ARHGAP42: variants seen among roughly 807,000 people sequenced by gnomAD.
ARHGAP42 encodes the protein rho GTPase-activating protein 42.
A neutral mutation model predicts 125.0 loss-of-function variants in ARHGAP42; 63 were observed. The observed-to-expected ratio is 0.50, with a 90% CI of 0.41 to 0.62. ARHGAP42 has a LOEUF of 0.62. Ranked by LOEUF, ARHGAP42 falls within the 20% of genes least tolerant of loss-of-function variation. The probability of loss-of-function intolerance (pLI) is 0.00; values close to 1 mark genes in which losing one functional copy is unlikely to be tolerated. For synonymous variants in ARHGAP42, 339 were observed against 351.0 expected (o/e 0.97, Z 0.38); for missense variants, 766 against 1,024.2 (o/e 0.75, Z 3.44).
Position 100,826,879 on chromosome 11 carries a change from A to C in ARHGAP42, c.312+31713A>C, listed in dbSNP as rs532039307. ...AGATCAAGCTAGAGATTTTCAAAGG[A>C]TATTTGCAAAAGTTAATTACACAAT... is the stretch of plus-strand genomic sequence containing the variant. On this transcript the variant is annotated intron_variant, in intron 3 of 23. Transcript: ENST00000298815. Among the ~76,000 whole-genome samples the C allele has an allele frequency of 1.8e-4, 28 of 152,228 alleles. No individual in the cohort carries two copies. In the South Asian group the frequency reaches 5.2e-3, roughly 28 times the overall value.
chr11:100,818,591 C>T (rs1591207246), intron 3 of ARHGAP42, among the ~76,000 whole-genome samples: 1 of 151,938 alleles, frequency 6.6e-6, no homozygotes, highest in African/African-American at 2.4e-5. Context: ...AAGGACTGTT[C>T]AGCTGAGCTG....
intron 3 of ARHGAP42, among the ~76,000 whole-genome samples, chr11:100,857,137 GT>G (rs1865340087): frequency 6.6e-6 from 1 of 151,826 alleles, no homozygotes; most frequent in Non-Finnish European, 1.5e-5. Context: ...AGTGTTGGAT[GT>G]TTTCACACCC....
chr11:100,754,774 C>T (rs144794079), intron 1 of ARHGAP42, among the ~76,000 whole-genome samples: 3 of 152,156 alleles, frequency 2.0e-5, no homozygotes, highest in Non-Finnish European at 1.5e-5. Flanking sequence ...TAAGAGTAAT[C>T]ACTACGTAGC....
intron 3 of ARHGAP42, among the ~76,000 whole-genome samples, chr11:100,795,456 C>T (rs1478031899): frequency 1.3e-5 from 2 of 152,080 alleles, no homozygotes; most frequent in Non-Finnish European, 2.9e-5. Flanking sequence ...TTAAGAAACC[C>T]ATTCTAATTC....
intron 1 of ARHGAP42, among the ~76,000 whole-genome samples, chr11:100,721,184 A>G (rs1217408888): frequency 1.3e-5 from 2 of 152,202 alleles, no homozygotes; most frequent in African/African-American, 4.8e-5. Flanking sequence ...CAAATGCACA[A>G]TGTCATGTAT....
chr11:100,864,351 A>G (rs1865518280), intron 4 of ARHGAP42, among the ~76,000 whole-genome samples: 1 of 151,844 alleles, frequency 6.6e-6, no homozygotes, highest in Admixed American at 6.6e-5. Flanking sequence ...TGCCTGGCTA[A>G]TTTTTGTATT....
At chr11:100,943,982 G>A (rs888107460) in intron 10 of ARHGAP42, 114 bp downstream of exon 10, 2 of 664,360 alleles carry the variant, frequency 3.0e-6, no homozygotes, top group East Asian at 5.7e-5. Context: ...TTAAAAAACA[G>A]TATACATGTT....
chr11:100,926,331 A>G (rs965959329), intron 6 of ARHGAP42, among the ~76,000 whole-genome samples: 56 of 152,340 alleles, frequency 3.7e-4, no homozygotes, highest in Admixed American at 7.8e-4. Context: ...CCACAAACCT[A>G]AAGTGGCAGA....
chr11:100,919,233 C>G (rs2135240341), intron 5 of ARHGAP42, among the ~76,000 whole-genome samples: 1 of 152,270 alleles, frequency 6.6e-6, no homozygotes, highest in African/African-American at 2.4e-5. Flanking sequence ...TCACATAGCA[C>G]TCGCTTCCTG....
At chr11:100,735,435 C>T (rs1474340753) in intron 1 of ARHGAP42, among the ~76,000 whole-genome samples, 1 of 151,878 alleles carries the variant, frequency 6.6e-6, no homozygotes, top group Non-Finnish European at 1.5e-5. Flanking sequence ...TACATGATTT[C>T]TAGTTTTACA....
intron 2 of ARHGAP42, among the ~76,000 whole-genome samples, chr11:100,777,750 T>G (rs1256378355): frequency 6.6e-6 from 1 of 152,248 alleles, no homozygotes; most frequent in Non-Finnish European, 1.5e-5. Context: ...AAGACCTATT[T>G]TCTTTTTTGA....
At chr11:100,912,342 T>C (rs781280083) in intron 4 of ARHGAP42, among the ~76,000 whole-genome samples, 1 of 152,172 alleles carries the variant, frequency 6.6e-6, no homozygotes, top group Non-Finnish European at 1.5e-5. Context: ...CTTTTCTAGG[T>C]ATTTATGCAA....
At chr11:100,879,086 A>G (rs1419107437) in intron 4 of ARHGAP42, among the ~76,000 whole-genome samples, 2 of 152,064 alleles carry the variant, frequency 1.3e-5, no homozygotes, top group African/African-American at 4.8e-5. Flanking sequence ...TCAAAAAAAT[A>G]TGGTCTGGGG....
chr11:100,885,412 C>T (rs184043195), intron 4 of ARHGAP42, among the ~76,000 whole-genome samples: 58 of 152,316 alleles, frequency 3.8e-4, no homozygotes, highest in Admixed American at 1.3e-3. Flanking sequence ...ACTTCCCTTA[C>T]TGCCTTAAAA....
chr11:100,709,152 G>A (rs993205352), intron 1 of ARHGAP42, among the ~76,000 whole-genome samples: 1 of 152,114 alleles, frequency 6.6e-6, no homozygotes, highest in African/African-American at 2.4e-5. Flanking sequence ...CGATTCTCCT[G>A]CCTCAGCCTC....
chr11:100,929,946 A>G (rs1418186752), intron 6 of ARHGAP42, among the ~76,000 whole-genome samples: 1 of 152,132 alleles, frequency 6.6e-6, no homozygotes, highest in Non-Finnish European at 1.5e-5. Context: ...GGTTATTTTA[A>G]AAGATTATTT....
chr11:100,845,502 T>TA (rs199956318), intron 3 of ARHGAP42, among the ~76,000 whole-genome samples: 31 of 150,362 alleles, frequency 2.1e-4, no homozygotes, highest in Middle Eastern at 3.4e-3. Context: ...CCTATGAAAA[T>TA]AAAAAAAAAC....
chr11:100,948,631 G>T (rs1276812733), intron 11 of ARHGAP42, 96 bp downstream of exon 11: 10 of 948,004 alleles, frequency 1.1e-5, no homozygotes, highest in Non-Finnish European at 1.5e-5. Context: ...TTTGCCTGTA[G>T]TATAATTGAA....
intron 4 of ARHGAP42, among the ~76,000 whole-genome samples, chr11:100,864,278 G>A (rs913402263): frequency 4.6e-5 from 7 of 150,756 alleles, no homozygotes; most frequent in Non-Finnish European, 7.4e-5. Context: ...TCCACCTCCC[G>A]GCTTCATGTG....
Sources: allele counts gnomAD v4.1 joint callset (sites outside exome capture counted in the v4.1 genomes callset), GRCh38; gene constraint gnomAD v4.1.1; transcripts MANE v1.5; gene names NCBI Gene and HGNC (gene_info 2026-07-23, HGNC 2026-07-21).